The following FERMT1 variants were observed in gnomAD, a reference collection of about 807,000 sequenced individuals.
The protein encoded by FERMT1 is fermitin family homolog 1.
FERMT1 carries 60 observed loss-of-function variants against 85.3 expected under a neutral mutation model. The ratio of observed to expected loss-of-function variants is 0.70; its 90% confidence interval spans 0.57 to 0.87. The LOEUF (loss-of-function observed/expected upper bound fraction) is 0.87, where lower values mean the gene tolerates loss of function less well. FERMT1 is among the 40% of genes least tolerant of loss of function. The pLI is 0.00. For synonymous variants in FERMT1, 275 were observed against 301.1 expected (o/e 0.91, Z 0.90); for missense variants, 701 against 818.9 (o/e 0.86, Z 1.76).
chr20:6,094,879 A>T, intron 9 of FERMT1, 60 bp downstream of exon 9: 1 of 954,112 alleles, frequency 1.0e-6, no homozygotes, highest in Non-Finnish European at 1.7e-6. Flanking sequence ...AAACTCCTGC[A>T]CTCTTTATCT....
intron 9 of FERMT1, among the ~76,000 whole-genome samples, chr20:6,090,635 C>T (rs1324600747): frequency 1.3e-5 from 2 of 151,706 alleles, no homozygotes; most frequent in Non-Finnish European, 1.5e-5. Context: ...GTCTATAGTC[C>T]CAGCTATGTG....
chr20:6,097,145 TCTC>T (rs1006522553), intron 7 of FERMT1, 112 bp from the exon 8 acceptor site: 2 of 1,063,440 alleles, frequency 1.9e-6, no homozygotes, highest in African/African-American at 3.1e-5. Context: ...ATACTGAACA[TCTC>T]CTAAACAGAG....
intron 2 of FERMT1, among the ~76,000 whole-genome samples, chr20:6,116,503 C>T (rs147161947): frequency 0.036 from 5,426 of 152,058 alleles, 128 homozygotes; most frequent in South Asian, 0.072. Context: ...CTGATGCAAG[C>T]GATCACCTGA....
At chr20:6,079,636 A>G in intron 13 of FERMT1, 59 bp from the exon 14 acceptor site, 2 of 1,468,982 alleles carry the variant, frequency 1.4e-6, no homozygotes, top group South Asian at 1.1e-5. Flanking sequence ...TACAATGTTC[A>G]CTCACATATA....
chr20:6,098,341 C>G (rs1982566158), intron 6 of FERMT1, among the ~76,000 whole-genome samples: 1 of 152,124 alleles, frequency 6.6e-6, no homozygotes, highest in African/African-American at 2.4e-5. Context: ...TTAAATGAAA[C>G]TTTATACAAG....
At position 6,077,300 on chromosome 20, in the gene FERMT1, A is replaced by C; in HGVS notation, c.1907T>G (p.Leu636Arg). Residue 636 changes from leucine to arginine, a missense_variant, in exon 15 of 15, where the codon CTG becomes CGG. Coordinates refer to ENST00000217289, the MANE Select transcript of FERMT1 (RefSeq NM_017671.5). ...DQNVFTAFTCLSADCKIVHEY... is the reference protein window; with the variant it reads ...DQNVFTAFTCRSADCKIVHEY... ...GTGCACAATCTTGCAATCTGCACTCAGGCAGGTGAAAGCAGTAAAGACGTT... is the reference window on the plus strand; with the variant it reads ...GTGCACAATCTTGCAATCTGCACTCCGGCAGGTGAAAGCAGTAAAGACGTT... 6.2e-7 allele frequency: 1 copy of C among 1,614,234 alleles called. No individual in the cohort carries two copies. Among genetic ancestry groups the C allele is most frequent in the Non-Finnish European group, 8.5e-7 (1 of 1,180,036 alleles).
chr20:6,113,867 T>TCC (rs1983028844), intron 3 of FERMT1, among the ~76,000 whole-genome samples: 1 of 152,196 alleles, frequency 6.6e-6, no homozygotes, highest in Non-Finnish European at 1.5e-5. Flanking sequence ...TGTACTTGAA[T>TCC]CCTTATCTCA....
At position 6,109,406 on chromosome 20, in the gene FERMT1, G is replaced by A. The variant is rs548793048; in HGVS notation, c.746+892C>T. Among the ~76,000 whole-genome samples the A allele has an allele frequency of 3.9e-5, 6 of 152,330 alleles. No homozygotes were observed. The South Asian group carries it at 1.2e-3, about 32-fold the overall frequency. ...GAATGAGTGTGCACCCAGGCGGCAC[G>A]GGGCCATGGGAGCATGGGAGGACAC... On this transcript the variant is annotated intron_variant, in intron 5 of 14. Coordinates refer to ENST00000217289, the MANE Select transcript of FERMT1 (RefSeq NM_017671.5).
At chr20:6,115,735 G>A in intron 3 of FERMT1, 76 bp downstream of exon 3, 1 of 1,069,600 alleles carries the variant, frequency 9.3e-7, no homozygotes, top group Non-Finnish European at 1.5e-6. Context: ...CTTGAAGTAG[G>A]CAGAATGCAC....
At chr20:6,087,301 C>A (rs950350580) in intron 11 of FERMT1, among the ~76,000 whole-genome samples, 10 of 152,118 alleles carry the variant, frequency 6.6e-5, no homozygotes, top group African/African-American at 2.4e-4. Context: ...TTTCAGAAAA[C>A]AATGTTTATT....
chr20:6,080,853 C>T (rs1177604186), intron 13 of FERMT1, among the ~76,000 whole-genome samples: 1 of 152,156 alleles, frequency 6.6e-6, no homozygotes, highest in Non-Finnish European at 1.5e-5. Flanking sequence ...ATCCAAGGGT[C>T]ACTGGATTTA....
At chr20:6,083,532 A>G (rs1301447324) in intron 13 of FERMT1, among the ~76,000 whole-genome samples, 1 of 151,980 alleles carries the variant, frequency 6.6e-6, no homozygotes, top group Non-Finnish European at 1.5e-5. Flanking sequence ...GGAAGCTGAC[A>G]TGAAAGAAAG....
chr20:6,086,492 G>A lies in FERMT1; in HGVS notation c.1372-1205C>T, dbSNP rs560812178. ...GCAAGGGATACAGTTAAAGAGGGGC[G>A]TTCTTCAGTGCAACAGTGGGTGAGG... is the stretch of plus-strand genomic sequence containing the variant. On this transcript the variant is annotated intron_variant, in intron 11 of 14. Transcript: ENST00000217289. Among the ~76,000 whole-genome samples the A allele has an allele frequency of 5.9e-5, 9 of 152,288 alleles. No individual in the cohort carries two copies. The East Asian group carries it at 9.7e-4, about 16-fold the overall frequency.
intron 14 of FERMT1, 136 bp downstream of exon 14, chr20:6,079,300 A>G (rs1981927028): frequency 1.0e-6 from 1 of 964,890 alleles, no homozygotes; most frequent in South Asian, 1.3e-5. Context: ...TGATTTTAGC[A>G]GACAGACAGT....
intron 5 of FERMT1, among the ~76,000 whole-genome samples, chr20:6,108,600 A>C (rs374323475): frequency 2.0e-5 from 3 of 152,242 alleles, no homozygotes; most frequent in African/African-American, 7.2e-5. Flanking sequence ...ACCTGAGGTC[A>C]GGAGTTTGAG....
At chr20:6,082,774 G>A (rs1446600662) in intron 13 of FERMT1, among the ~76,000 whole-genome samples, 1 of 152,168 alleles carries the variant, frequency 6.6e-6, no homozygotes, top group African/African-American at 2.4e-5. Context: ...TAGTGCCTCA[G>A]CCTCCTGAGT....
chr20:6,080,100 G>A (rs906462958), intron 13 of FERMT1, among the ~76,000 whole-genome samples: 33 of 152,136 alleles, frequency 2.2e-4, no homozygotes, highest in South Asian at 2.1e-4. Flanking sequence ...GATGTGAGCC[G>A]CGTGGATATC....
At chr20:6,079,330 C>G in intron 14 of FERMT1, 106 bp downstream of exon 14, 1 of 1,220,578 alleles carries the variant, frequency 8.2e-7, no homozygotes, top group Non-Finnish European at 1.2e-6. Context: ...CTTGTGGTTT[C>G]TTAGGTCTAA....
chr20:6,084,159 G>T lies in FERMT1; in HGVS notation c.1599C>A (p.Ala533=). ...TCTGGTGCGCCTCCAGGATCCGGGC[G>T]GCCAGCTGAACAGAAACAGACATCA... ...CAKRHKSKQL[A]ARILEAHQNV... The change falls in exon 13 of 15, where the codon GCC becomes GCA. Residue 533 remains alanine, a synonymous_variant. Transcript: ENST00000217289. The T allele has an allele frequency of 6.2e-7, 1 of 1,611,042 alleles. No homozygotes were observed. Among genetic ancestry groups the T allele is most frequent in the East Asian group, 2.2e-5 (1 of 44,804 alleles).
Sources: gnomAD v4.1 joint callset for allele counts (sites outside exome capture counted in the v4.1 genomes callset) on GRCh38, gnomAD v4.1.1 for gene constraint, MANE v1.5 for transcripts, NCBI Gene and HGNC (gene_info 2026-07-23, HGNC 2026-07-21) for gene names.